EEF1D: variants seen among roughly 807,000 people sequenced by gnomAD.
EEF1D encodes eukaryotic translation elongation factor 1 delta.
A neutral mutation model predicts 63.9 loss-of-function variants in EEF1D; 47 were observed. The observed-to-expected ratio is 0.74, with a 90% CI of 0.58 to 0.94. The LOEUF (loss-of-function observed/expected upper bound fraction) is 0.94. Ranked by LOEUF, EEF1D falls within the 40% of genes least tolerant of loss-of-function variation. The pLI is 0.00. For missense variants in EEF1D, 907 were observed against 899.0 expected, an observed-to-expected ratio of 1.01 and a Z score of -0.11; for synonymous variants, 412 against 386.1, an observed-to-expected ratio of 1.07 and a Z score of -0.79.
chr8:143,579,898 T>A, intron 9 of EEF1D, 68 bp from the exon 10 acceptor site: 2 of 1,541,820 alleles, frequency 1.3e-6, no homozygotes, highest in Non-Finnish European at 1.8e-6. Context: ...AGGAGCCTCC[T>A]CTGAGGTGGG....
At chr8:143,591,814 C>G (rs531457144) in intron 2 of EEF1D, among the ~76,000 whole-genome samples, 1 of 152,364 alleles carries the variant, frequency 6.6e-6, no homozygotes, top group South Asian at 2.1e-4. Context: ...CCAACAAAAC[C>G]AAGGCTGGCT....
intron 9 of EEF1D, 40 bp downstream of exon 9, chr8:143,579,972 C>T (rs1209005853): frequency 1.3e-6 from 2 of 1,596,776 alleles, no homozygotes; most frequent in Admixed American, 3.4e-5. Context: ...CCAGGGTCCC[C>T]AGTCTCCTCT....
intron 3 of EEF1D, among the ~76,000 whole-genome samples, chr8:143,588,311 TC>T (rs1160090403): frequency 1.3e-5 from 2 of 152,090 alleles, no homozygotes; most frequent in Non-Finnish European, 2.9e-5. Context: ...CCTCGCCACT[TC>T]CATGCCCTCT....
chr8:143,594,174 C>T (rs1307238030), intron 1 of EEF1D: 1 of 152,370 alleles, frequency 6.6e-6, no homozygotes, highest in Non-Finnish European at 1.5e-5. Context: ...TACTCTGCTC[C>T]TGGAAGCAGG....
At chr8:143,592,564 TG>T in intron 2 of EEF1D, 82 bp downstream of exon 2, 1 of 976,052 alleles carries the variant, frequency 1.0e-6, no homozygotes, top group Non-Finnish European at 1.2e-6. Flanking sequence ...CAGGTGGTGC[TG>T]GGTTCCCTCA....
In EEF1D at chr8:143,581,274, C is replaced by G. The variant is rs11548167; in HGVS notation, c.1342G>C (p.Val448Leu). 5 of 1,612,422 alleles carry G rather than the reference C, an allele frequency of 3.1e-6. No homozygotes were observed. Among genetic ancestry groups the G allele is most frequent in the Non-Finnish European group, 4.2e-6 (5 of 1,180,008 alleles). Residue 448 changes from valine to leucine, a missense_variant, in exon 6 of 10, where the codon GTC becomes CTC. Transcript: ENST00000618139. Reference sequence around the variant, plus strand: ...TCCACTTCCAGACTGGCAATCCGGACGACGAGCTCACCGTGGTCTCCGCTG... The same window carrying G: ...TCCACTTCCAGACTGGCAATCCGGAGGACGAGCTCACCGTGGTCTCCGCTG... ...GTSGDHGELVVRIASLEVENQ... is the reference protein window; with the variant it reads ...GTSGDHGELVLRIASLEVENQ...
intron 2 of EEF1D, chr8:143,590,323 A>T: frequency 1.5e-6 from 1 of 666,484 alleles, no homozygotes; most frequent in Admixed American, 2.8e-5. Context: ...TCATGCCTGT[A>T]ATCTCAGTAC....
rs990537694 is a variant in EEF1D, at chr8:143,580,369, G to A, written c.1710+137C>T. ...CACACCTTCCTGCCTCCAAGTTTGT[G>A]TTTATCCCAAGACTTCTAAACTCGG... On this transcript the variant is annotated intron_variant, in intron 8 of 9. Transcript: ENST00000618139. 50 of 1,276,360 alleles carry A rather than the reference G, an allele frequency of 3.9e-5. No individual in the cohort carries two copies. In the African/African-American group the frequency reaches 7.3e-4, roughly 19 times the overall value. 79.1% of individuals were successfully genotyped at this position (1,276,360 alleles called of 1,614,324 possible).
chr8:143,588,852 C>T, intron 3 of EEF1D, 139 bp downstream of exon 3: 3 of 1,182,940 alleles, frequency 2.5e-6, no homozygotes, highest in South Asian at 3.2e-5. Flanking sequence ...CTCCTGCATT[C>T]AACTCTGCTG....
At chr8:143,591,582 CAAG>C (rs1827970953) in intron 2 of EEF1D, among the ~76,000 whole-genome samples, 1 of 152,256 alleles carries the variant, frequency 6.6e-6, no homozygotes, top group Non-Finnish European at 1.5e-5. Context: ...GGAGCACCCT[CAAG>C]AGGGGGCTGT....
chr8:143,588,344 C>T (rs1827122142), intron 3 of EEF1D, among the ~76,000 whole-genome samples: 1 of 152,198 alleles, frequency 6.6e-6, no homozygotes. Context: ...CAAGTCCAAT[C>T]GTCCACCCAC....
chr8:143,593,518 CG>C (rs1370052838), intron 1 of EEF1D, among the ~76,000 whole-genome samples: 2 of 152,192 alleles, frequency 1.3e-5, no homozygotes, highest in African/African-American at 2.4e-5. Flanking sequence ...CCTTCACCAA[CG>C]GGAGCTCCGG....
At chr8:143,580,431 G>A (rs935581243) in intron 8 of EEF1D, 75 bp downstream of exon 8, 10 of 1,523,878 alleles carry the variant, frequency 6.6e-6, no homozygotes, top group Non-Finnish European at 9.0e-6. Flanking sequence ...GGCAGGGGGA[G>A]GGTCACAGGC....
chr8:143,591,617 C>T (rs138989616), intron 2 of EEF1D, among the ~76,000 whole-genome samples: 20 of 152,364 alleles, frequency 1.3e-4, no homozygotes, highest in Admixed American at 5.2e-4. Context: ...TCACAGACAC[C>T]GCTGCTAGTC....
rs775315816 is a variant in EEF1D at position 143,580,862 on chromosome 8, T to G, written c.1489-135A>C. ...CCCCTGTGTACCGCAGCTGTGTACATGCAGGGCCCCAGGAAAGACAAAAAC... is the reference window on the plus strand; with the variant it reads ...CCCCTGTGTACCGCAGCTGTGTACAGGCAGGGCCCCAGGAAAGACAAAAAC... On this transcript the variant is annotated intron_variant, in intron 7 of 9. Transcript: ENST00000618139. 2.5e-5 allele frequency: 30 copies of G among 1,188,808 alleles called. No individual in the cohort carries two copies. The African/African-American group carries it at 3.3e-4, about 13-fold the overall frequency. The allele number at this position is 1,188,808 out of a possible 1,614,324, so 73.6% of individuals were successfully genotyped here. A position where few individuals can be genotyped will look rare whatever the true frequency, so the allele number is the denominator to read the frequency against.
intron 2 of EEF1D, 67 bp from the exon 3 acceptor site, chr8:143,590,148 C>T (rs772351541): frequency 1.6e-5 from 26 of 1,594,210 alleles, no homozygotes; most frequent in East Asian, 2.2e-5. Flanking sequence ...GCCGCAGCCC[C>T]GTGCCCACCC....
Position 143,587,034 on chromosome 8 carries a change from C to A in EEF1D, c.1092-182G>T, listed in dbSNP as rs550083248. 6.7e-5 allele frequency: 49 copies of A among 734,620 alleles called. No homozygotes were observed. The African/African-American group carries it at 7.5e-4, about 11-fold the overall frequency. The allele number at this position is 734,620 out of a possible 1,614,324, so 45.5% of individuals were successfully genotyped here. A position where few individuals can be genotyped will look rare whatever the true frequency, so the allele number is the denominator to read the frequency against. On this transcript the variant is annotated intron_variant, in intron 3 of 9. Coordinates refer to ENST00000618139, the MANE Select transcript of EEF1D (RefSeq NM_001130053.5). The stretch of plus-strand genomic sequence containing the variant: ...GGCATCCCCAGGCCTGTCTTCCAGA[C>A]GAGGAGTTCTCAAAGTGTGGTCCGA...
Position 143,589,854 on chromosome 8 carries a change from C to G in EEF1D, c.228G>C (p.Lys76Asn), listed in dbSNP as rs1312859940. The change falls in exon 3 of 10, where the codon AAG (lysine) becomes AAC (asparagine). Residue 76 changes from lysine to asparagine, a missense_variant. By Grantham distance (94) the Lys-to-Asn change is moderately conservative. Transcript: ENST00000618139. The part of the protein sequence containing the change: ...PDGGSRRDPR[K>N]SQDSRKPLQK... ...GCAGGGGCTTCCTGCTGTCCTGGCT[C>G]TTCCTGGGATCACGCCTGCTGCCGC... 12 of 1,603,562 alleles carry G rather than the reference C, an allele frequency of 7.5e-6. No homozygotes were observed. The highest frequency in any genetic ancestry group is 1.0e-5 in the Non-Finnish European group (12 of 1,177,348).
rs561518619 is a variant in EEF1D at position 143,588,914 on chromosome 8, G to A, written c.1091+77C>T. The A allele has an allele frequency of 1.5e-5, 22 of 1,500,654 alleles. No individual in the cohort carries two copies. The South Asian group carries it at 2.8e-4, about 19-fold the overall frequency. The allele number at this position is 1,500,654 out of a possible 1,614,324, so 93.0% of individuals were successfully genotyped here. On this transcript the variant is annotated intron_variant, in intron 3 of 9. Coordinates refer to ENST00000618139, the MANE Select transcript of EEF1D (RefSeq NM_001130053.5). ...CCCCAGGTGGGCAGGGGAGGAAGCT[G>A]GAGGAGCCCCAGCCTGGGATGGCTG...
Sources: gnomAD v4.1 joint callset for allele counts (sites outside exome capture counted in the v4.1 genomes callset) on GRCh38, gnomAD v4.1.1 for gene constraint, MANE v1.5 for transcripts, NCBI Gene and HGNC (gene_info 2026-07-23, HGNC 2026-07-21) for gene names.